The following ANK3 variants were observed in gnomAD, a reference collection of about 807,000 sequenced individuals.
ANK3 encodes ankyrin-3.
A neutral mutation model predicts 370.9 loss-of-function variants in ANK3; 57 were observed. That is an observed-to-expected ratio of 0.15 (90% CI 0.12 to 0.19). The LOEUF (loss-of-function observed/expected upper bound fraction) is 0.19, where lower values mean the gene tolerates loss of function less well. Ranked by LOEUF, ANK3 falls within the 10% of genes least tolerant of loss-of-function variation. The pLI, the probability that ANK3 is intolerant of heterozygous loss-of-function variation, is 1.00. For synonymous variants in ANK3, 1,929 were observed against 1,946.3 expected, an observed-to-expected ratio of 0.99 and a Z score of 0.23; for missense variants, 4,439 against 5,302.1, an observed-to-expected ratio of 0.84 and a Z score of 5.06.
intron 7 of ANK3, among the ~76,000 whole-genome samples, chr10:60,235,989 CA>C (rs2097326844): frequency 6.6e-6 from 1 of 152,202 alleles, no homozygotes; most frequent in Non-Finnish European, 1.5e-5. Flanking sequence ...AACTCTTCAA[CA>C]CTTAAACTCT....
rs549986287 is a variant in ANK3 at position 60,535,875 on chromosome 10, A to G, written c.96+79311T>C. On this transcript the variant is annotated intron_variant, in intron 2 of 43. Coordinates refer to the ANK3 transcript ENST00000373827. ...AGAAGCCCCTTAAGTGAGCAATGAT[A>G]ATGAAACAATGGTTGCTCTAAATAT... 5.3e-5 allele frequency among the ~76,000 whole-genome samples: 8 copies of G among 152,190 alleles called. No individual in the cohort carries two copies. In the East Asian group the frequency reaches 1.5e-3, roughly 29 times the overall value.
At chr10:60,437,011 A>C (rs968865202) in intron 2 of ANK3, among the ~76,000 whole-genome samples, 2 of 152,214 alleles carry the variant, frequency 1.3e-5, no homozygotes, top group Non-Finnish European at 2.9e-5. Flanking sequence ...ACAGGACCCC[A>C]TGTAGCCTTC....
chr10:60,470,622 A>G (rs1167696008), intron 2 of ANK3, among the ~76,000 whole-genome samples: 1 of 152,066 alleles, frequency 6.6e-6, no homozygotes, highest in Non-Finnish European at 1.5e-5. Context: ...CTGGTCAGTG[A>G]TAGGCACAGG....
chr10:60,554,150 C>T (rs777020544), intron 2 of ANK3, among the ~76,000 whole-genome samples: 1 of 152,106 alleles, frequency 6.6e-6, no homozygotes, highest in Non-Finnish European at 1.5e-5. Flanking sequence ...TCGGATACAC[C>T]ATAGCACAAA....
chr10:60,143,550 A>G (rs1280365278), intron 23 of ANK3, among the ~76,000 whole-genome samples: 1 of 152,212 alleles, frequency 6.6e-6, no homozygotes, highest in African/African-American at 2.4e-5. Context: ...GGAGCTGTGT[A>G]GGTTTATGTT....
chr10:60,643,500 A>ATATCTATCTATC (rs61461746), intron 1 of ANK3, among the ~76,000 whole-genome samples: 2,256 of 146,772 alleles, frequency 0.015, 20 homozygotes, highest in African/African-American at 0.024. Flanking sequence ...ACTCCCCTTT[A>ATATCTATCTATC]TATCTATCTA....
chr10:60,077,717 T>C (rs1172311306), intron 36 of ANK3, among the ~76,000 whole-genome samples: 1 of 152,196 alleles, frequency 6.6e-6, no homozygotes, highest in Non-Finnish European at 1.5e-5. Context: ...AAAACTACAT[T>C]CATATTTTTA....
At chr10:60,685,093 T>A in intron 1 of ANK3, 11 of 1,131,784 alleles carry the variant, frequency 9.7e-6, no homozygotes, top group Non-Finnish European at 1.4e-5. Context: ...CAATACCTAT[T>A]ATATCTGTGT....
intron 1 of ANK3, among the ~76,000 whole-genome samples, chr10:60,693,634 G>A (rs1451526960): frequency 9.2e-5 from 14 of 152,280 alleles, no homozygotes; most frequent in Middle Eastern, 3.4e-3. Context: ...CCCCCAGCAG[G>A]GGCAGATTGA....
At chr10:60,504,898 T>C (rs1179050443) in intron 2 of ANK3, among the ~76,000 whole-genome samples, 1 of 152,078 alleles carries the variant, frequency 6.6e-6, no homozygotes, top group Non-Finnish European at 1.5e-5. Flanking sequence ...TCAAACTAGC[T>C]ACAGAGGGCA....
Position 60,572,595 on chromosome 10 carries a change from G to A in ANK3, c.96+42591C>T, listed in dbSNP as rs892253238. The stretch of plus-strand genomic sequence containing the variant: ...CCGGTATTCCAACATCCAAAACCAC[G>A]GCAAAGAGTCAAAGCATTGAGACCA... On this transcript the variant is annotated intron_variant, in intron 2 of 43. Transcript: ENST00000373827. 1.1e-4 allele frequency: 162 copies of A among 1,522,318 alleles called. 1 individual carries two copies. Among genetic ancestry groups the A allele is most frequent in the East Asian group, 1.7e-4 (7 of 40,720 alleles). 94.3% of individuals were successfully genotyped at this position (1,522,318 alleles called of 1,614,324 possible).
intron 1 of ANK3, among the ~76,000 whole-genome samples, chr10:60,356,638 T>G (rs1594404560): frequency 6.6e-6 from 1 of 152,210 alleles, no homozygotes; most frequent in African/African-American, 2.4e-5. Flanking sequence ...AGGAGCAGTC[T>G]CACCTCACCT....
rs201833011 is a variant in ANK3 at position 60,069,171 on chromosome 10, A to T, written c.11710T>A (p.Ser3904Thr). The change falls in exon 37 of 44, where the codon TCT becomes ACT. Residue 3904 changes from serine to threonine, a missense_variant. Physicochemically the swap from Ser to Thr is moderately conservative, Grantham distance 58. Transcript: ENST00000280772. ...CTGGACTTTACATCTACACATGAAG[A>T]AGTAGTAAGGGCTTTGGTTTTCTCG... is the stretch of plus-strand genomic sequence containing the variant. ...QSEKTKALTT[S>T]SCVDVKSRIP... 14 of 1,614,180 alleles carry T rather than the reference A, an allele frequency of 8.7e-6. No homozygotes were observed. The highest frequency in any genetic ancestry group is 2.2e-5 in the East Asian group (1 of 44,874).
At chr10:60,127,162 G>A (rs1211295421) in intron 25 of ANK3, among the ~76,000 whole-genome samples, 1 of 152,158 alleles carries the variant, frequency 6.6e-6, no homozygotes, top group East Asian at 1.9e-4. Flanking sequence ...TTTCCCAAAA[G>A]GTTAGACAAA....
At chr10:60,413,840 G>GA in intron 2 of ANK3, among the ~76,000 whole-genome samples, 1 of 151,738 alleles carries the variant, frequency 6.6e-6, no homozygotes, top group Non-Finnish European at 1.5e-5. Context: ...ACAAAAAAAT[G>GA]AAAAAAATTA....
chr10:60,503,185 CAA>C (rs1445804372), intron 2 of ANK3, among the ~76,000 whole-genome samples: 1 of 152,046 alleles, frequency 6.6e-6, no homozygotes, highest in Non-Finnish European at 1.5e-5. Flanking sequence ...CTTTGGCATA[CAA>C]AGAGTAATTC....
chr10:60,294,742 C>T (rs1313397868), intron 1 of ANK3, among the ~76,000 whole-genome samples: 2 of 152,184 alleles, frequency 1.3e-5, no homozygotes, highest in Non-Finnish European at 2.9e-5. Context: ...GATAGATAGA[C>T]TGATTTGGGA....
At chr10:60,237,206 G>C (rs995148526) in intron 7 of ANK3, among the ~76,000 whole-genome samples, 9 of 152,238 alleles carry the variant, frequency 5.9e-5, no homozygotes, top group Non-Finnish European at 1.0e-4. Context: ...ACGACTTTCA[G>C]ATCTGCTTAT....
chr10:60,158,507 A>T (rs1261283275), intron 23 of ANK3, among the ~76,000 whole-genome samples: 3 of 152,040 alleles, frequency 2.0e-5, no homozygotes, highest in Non-Finnish European at 2.9e-5. Context: ...GGAATATTTC[A>T]TTTTCTTTTT....
Sources: allele counts gnomAD v4.1 joint callset (sites outside exome capture counted in the v4.1 genomes callset), GRCh38; gene constraint gnomAD v4.1.1; transcripts MANE v1.5; gene names NCBI Gene and HGNC (gene_info 2026-07-23, HGNC 2026-07-21).